PACS2: variants seen among roughly 807,000 people sequenced by gnomAD.
PACS2 encodes the protein PACS1-like protein.
PACS2 carries 36 observed loss-of-function variants against 113.0 expected under a neutral mutation model. That is an observed-to-expected ratio of 0.32 (90% CI 0.24 to 0.42). The LOEUF (loss-of-function observed/expected upper bound fraction) is 0.42. Ranked by LOEUF, PACS2 falls within the 10% of genes least tolerant of loss-of-function variation. The probability of loss-of-function intolerance (pLI) is 1.00; values close to 1 mark genes in which losing one functional copy is unlikely to be tolerated. For synonymous variants in PACS2, 589 were observed against 536.1 expected (o/e 1.10, Z -1.36); for missense variants, 1,015 against 1,239.5 (o/e 0.82, Z 2.72).
At chr14:105,304,412 T>C (rs2058120355) in intron 1 of PACS2, among the ~76,000 whole-genome samples, 1 of 152,052 alleles carries the variant, frequency 6.6e-6, no homozygotes, top group African/African-American at 2.4e-5. Flanking sequence ...TGCTTGAACC[T>C]GGGAGGCGGG....
At chr14:105,360,532 G>C (rs1202632906) in intron 4 of PACS2, among the ~76,000 whole-genome samples, 36 of 142,794 alleles carry the variant, frequency 2.5e-4, no homozygotes, top group African/African-American at 9.7e-4. Flanking sequence ...GACAGAGTAA[G>C]ACTTCCTCTC....
At chr14:105,334,358 C>T (rs1183215665) in intron 1 of PACS2, among the ~76,000 whole-genome samples, 1 of 152,252 alleles carries the variant, frequency 6.6e-6, no homozygotes, top group Admixed American at 6.5e-5. Flanking sequence ...CACCTTGAGG[C>T]TGACGCAGAC....
chr14:105,355,035 C>T lies in PACS2; in HGVS notation c.298-17C>T, dbSNP rs372618094. 8.1e-6 allele frequency: 13 copies of T among 1,611,002 alleles called. No homozygotes were observed. Among genetic ancestry groups the T allele is most frequent in the Middle Eastern group, 1.7e-4 (1 of 6,050 alleles). On this transcript the variant is annotated splice_polypyrimidine_tract_variant and intron_variant, in intron 3 of 24. Transcript: ENST00000447393. The surrounding 1 kb of genome is among the most constrained non-coding windows in gnomAD (Gnocchi z 4.1). ...CCCCGGTGCACCCTCAGCTGCCACT[C>T]GCACTTGTGCCCACAGTATCCTCAC...
intron 1 of PACS2, among the ~76,000 whole-genome samples, chr14:105,336,046 G>A (rs2059505687): frequency 2.0e-5 from 3 of 152,204 alleles, no homozygotes; most frequent in African/African-American, 4.8e-5. Flanking sequence ...AGCAGGGCAC[G>A]GAGCGTGTGT....
At chr14:105,383,795 T>G (rs927105893) in intron 16 of PACS2, 5 of 430,778 alleles carry the variant, frequency 1.2e-5, no homozygotes, top group Non-Finnish European at 2.1e-5. Flanking sequence ...CATCGCCCTC[T>G]GAAGGGGCCT....
At chr14:105,380,467 C>A (rs587644361) in intron 11 of PACS2, among the ~76,000 whole-genome samples, 20 of 148,286 alleles carry the variant, frequency 1.3e-4, no homozygotes, top group African/African-American at 4.7e-4. Context: ...AGCTGGACTC[C>A]CCCCACCCTC....
intron 4 of PACS2, among the ~76,000 whole-genome samples, chr14:105,360,669 G>C (rs1555406261): frequency 6.6e-6 from 1 of 152,130 alleles, no homozygotes; most frequent in Non-Finnish European, 1.5e-5. Context: ...GGTTGCTGAA[G>C]GCTAGGGTGC....
Position 105,333,066 on chromosome 14 carries a change from G to A in PACS2, c.120-15427G>A, listed in dbSNP as rs1174806038. 2.0e-5 allele frequency among the ~76,000 whole-genome samples: 3 copies of A among 152,188 alleles called. No homozygotes were observed. In the East Asian group the frequency reaches 5.8e-4, roughly 29 times the overall value. ...CTGGGGGTGGATGCAGACCGAGCCT[G>A]GGCCCATGTAGACCAACTGGCGTGG... On this transcript the variant is annotated intron_variant, in intron 1 of 24. Coordinates refer to ENST00000447393, the MANE Select transcript of PACS2 (RefSeq NM_001100913.3).
rs2059214526 is a variant in PACS2 at position 105,329,091 on chromosome 14, G to A, written c.119+14054G>A. Among the ~76,000 whole-genome samples, 1 of 152,224 alleles carries A rather than the reference G, an allele frequency of 6.6e-6. No homozygotes were observed. The highest frequency in any genetic ancestry group is 6.5e-5 in the Admixed American group (1 of 15,278). On this transcript the variant is annotated intron_variant, in intron 1 of 24. Coordinates refer to ENST00000447393, the MANE Select transcript of PACS2 (RefSeq NM_001100913.3). This position sits in a 1 kb window ranked among gnomAD's most constrained non-coding sequence, Gnocchi z 6.4. ...GTGAGATTAGAGGGAGGACTCCCTGGAGGCTGGCCCTGCGCCCTGGAGGCC... is the reference window on the plus strand; with the variant it reads ...GTGAGATTAGAGGGAGGACTCCCTGAAGGCTGGCCCTGCGCCCTGGAGGCC...
chr14:105,361,583 G>C (rs1251626258), intron 4 of PACS2, among the ~76,000 whole-genome samples: 3 of 152,242 alleles, frequency 2.0e-5, no homozygotes, highest in Non-Finnish European at 4.4e-5. Context: ...GTTGCAGTGA[G>C]CTGAGATTGC....
At position 105,393,217 on chromosome 14, in the gene PACS2, C is replaced by T. The variant is rs1555415487; in HGVS notation, c.2483-5C>T. On this transcript the variant is annotated splice_polypyrimidine_tract_variant and splice_region_variant and intron_variant, in intron 23 of 24. Transcript: ENST00000447393. ...ATGACAGCAGGGCCTCTTTTCTCCT[C>T]CCAGTGATGTTTCTGCCCAAGAAAG... The T allele has an allele frequency of 1.2e-6, 2 of 1,607,856 alleles. No homozygotes were observed. The highest frequency in any genetic ancestry group is 1.7e-6 in the Non-Finnish European group (2 of 1,175,362).
At chr14:105,369,038 C>T (rs372097275) in intron 7 of PACS2, among the ~76,000 whole-genome samples, 32 of 152,366 alleles carry the variant, frequency 2.1e-4, no homozygotes, top group Middle Eastern at 3.4e-3. Flanking sequence ...CACCGCCTGG[C>T]GCCTGGACAC....
At chr14:105,379,444 C>T (rs1368345152) in intron 9 of PACS2, among the ~76,000 whole-genome samples, 1 of 152,176 alleles carries the variant, frequency 6.6e-6, no homozygotes, top group Admixed American at 6.5e-5. Flanking sequence ...GCTAAGGCTG[C>T]GAGTTTCAGG....
chr14:105,319,267 A>T (rs1460969968), intron 1 of PACS2, among the ~76,000 whole-genome samples: 1 of 152,254 alleles, frequency 6.6e-6, no homozygotes, highest in Non-Finnish European at 1.5e-5. Context: ...TTTAAGTTTC[A>T]CACAAAGCCA....
Position 105,348,732 on chromosome 14 carries a change from A to C in PACS2, c.207+152A>C, listed in dbSNP as rs2060037654. 3.0e-6 allele frequency: 2 copies of C among 657,722 alleles called. No individual in the cohort carries two copies. The highest frequency in any genetic ancestry group is 4.9e-5 in the Admixed American group (2 of 40,822). 40.7% of individuals were successfully genotyped at this position (657,722 alleles called of 1,614,324 possible). On this transcript the variant is annotated intron_variant, in intron 2 of 24. Coordinates refer to ENST00000447393, the MANE Select transcript of PACS2 (RefSeq NM_001100913.3). This position sits in a 1 kb window ranked among gnomAD's most constrained non-coding sequence, Gnocchi z 6.4. ...CCGGGAGCCCGGGGGGCTGGGAATG[A>C]CAGGATGCTCCTGGGTCCAGTCCTG...
chr14:105,363,132 G>A (rs1239544332), intron 4 of PACS2, among the ~76,000 whole-genome samples: 7 of 152,128 alleles, frequency 4.6e-5, no homozygotes, highest in Admixed American at 1.3e-4. Context: ...ACAGACAGTC[G>A]ACTTTGCATA....
chr14:105,352,114 G>T (rs2060201924), intron 2 of PACS2, among the ~76,000 whole-genome samples: 1 of 152,208 alleles, frequency 6.6e-6, no homozygotes, highest in African/African-American at 2.4e-5. Context: ...GTTAACTTCA[G>T]CAGGAGCCGC....
upstream of PACS2, among the ~76,000 whole-genome samples, chr14:105,313,269 C>T (rs2058400582): frequency 1.3e-5 from 2 of 152,212 alleles, no homozygotes; most frequent in South Asian, 2.1e-4. Flanking sequence ...GGGTGCCTGT[C>T]TCCTGCCCTC....
chr14:105,360,560 AAAAG>A (rs1555406233), intron 4 of PACS2, among the ~76,000 whole-genome samples: 1 of 149,254 alleles, frequency 6.7e-6, no homozygotes, highest in Non-Finnish European at 1.5e-5. Context: ...AAAAAAAAAG[AAAAG>A]AAAAAGCTAA....
Sources: gnomAD v4.1 joint callset for allele counts (sites outside exome capture counted in the v4.1 genomes callset) on GRCh38, gnomAD v4.1.1 for gene constraint, Gnocchi (gnomAD v3.1) non-coding constraint, MANE v1.5 for transcripts, NCBI Gene and HGNC (gene_info 2026-07-23, HGNC 2026-07-21) for gene names.